The following CALCOCO2 variants were observed in gnomAD, a reference collection of about 807,000 sequenced individuals.
CALCOCO2 encodes calcium-binding and coiled-coil domain-containing protein 2.
Under a neutral mutation model 62.5 loss-of-function variants are expected in CALCOCO2, and 42 were observed. The ratio of observed to expected loss-of-function variants is 0.67; its 90% CI spans 0.53 to 0.87. CALCOCO2 has a LOEUF of 0.87. Ranked by LOEUF, CALCOCO2 falls within the 40% of genes least tolerant of loss-of-function variation. The pLI is 0.00. For missense variants in CALCOCO2, 456 were observed against 515.0 expected (o/e 0.89, Z 1.11); for synonymous variants, 167 against 173.0 (o/e 0.97, Z 0.27).
chr17:48,856,690 A>G, intron 10 of CALCOCO2: 1 of 447,994 alleles, frequency 2.2e-6, no homozygotes, highest in African/African-American at 2.0e-5. Context: ...CATTCATCCA[A>G]CCAACATTTA....
chr17:48,848,961 A>T (rs1450029819), intron 4 of CALCOCO2: 1 of 433,410 alleles, frequency 2.3e-6, no homozygotes, highest in Admixed American at 3.2e-5. Context: ...AGCTAAGTCC[A>T]TTGGGAGAGA....
intron 9 of CALCOCO2, among the ~76,000 whole-genome samples, chr17:48,854,315 CAA>C (rs1306014209): frequency 1.3e-4 from 4 of 30,564 alleles, no homozygotes; most frequent in Non-Finnish European, 2.1e-4. Context: ...GACTCCGTCT[CAA>C]AAAAAAAAAA....
At chr17:48,837,498 T>C (rs1458740347) in intron 1 of CALCOCO2, among the ~76,000 whole-genome samples, 1 of 151,868 alleles carries the variant, frequency 6.6e-6, no homozygotes, top group Non-Finnish European at 1.5e-5. Flanking sequence ...TACAAAAAAT[T>C]AGCTGGGCAT....
chr17:48,853,393 A>C (rs1036035228), intron 9 of CALCOCO2, among the ~76,000 whole-genome samples: 1 of 152,174 alleles, frequency 6.6e-6, no homozygotes, highest in African/African-American at 2.4e-5. Flanking sequence ...ATCTTGTTAT[A>C]ATTAATATAT....
At chr17:48,854,759 G>A (rs571391727) in intron 9 of CALCOCO2, among the ~76,000 whole-genome samples, 1 of 151,946 alleles carries the variant, frequency 6.6e-6, no homozygotes, top group East Asian at 2.0e-4. Flanking sequence ...TCCCCACCTG[G>A]CTGATAGCAA....
chr17:48,841,674 A>T, intron 1 of CALCOCO2, 24 bp from the exon 2 acceptor site: 1 of 1,512,366 alleles, frequency 6.6e-7, no homozygotes, highest in Non-Finnish European at 9.1e-7. Context: ...TCTGAGCCTT[A>T]CTCTGTTCCA....
At chr17:48,859,220 C>G (rs1032389479) in intron 10 of CALCOCO2, among the ~76,000 whole-genome samples, 1 of 151,942 alleles carries the variant, frequency 6.6e-6, no homozygotes, top group African/African-American at 2.4e-5. Flanking sequence ...TACTCATTCT[C>G]TGTGTTGATA....
chr17:48,862,193 A>G (rs1236346707), intron 11 of CALCOCO2, 83 bp from the exon 12 acceptor site: 1 of 899,188 alleles, frequency 1.1e-6, no homozygotes. Context: ...AATGAAAGTT[A>G]CAGGAAATAT....
chr17:48,832,746 CCT>C (rs1342143154), intron 1 of CALCOCO2, among the ~76,000 whole-genome samples: 4 of 152,150 alleles, frequency 2.6e-5, no homozygotes, highest in Admixed American at 2.6e-4. Flanking sequence ...TAGAATCACC[CCT>C]GTCAAGGGAA....
intron 2 of CALCOCO2, among the ~76,000 whole-genome samples, chr17:48,844,953 T>C (rs2040026196): frequency 6.6e-6 from 1 of 152,252 alleles, no homozygotes; most frequent in South Asian, 2.1e-4. Flanking sequence ...CTGGCGAACA[T>C]GGTGAAACCC....
intron 10 of CALCOCO2, among the ~76,000 whole-genome samples, chr17:48,856,962 C>G (rs1259439278): frequency 7.6e-6 from 1 of 131,846 alleles, no homozygotes; most frequent in Admixed American, 8.6e-5. Context: ...CCATGCCCGG[C>G]TAATTTTTTT....
intron 11 of CALCOCO2, among the ~76,000 whole-genome samples, chr17:48,861,234 A>T (rs1045216582): frequency 4.6e-5 from 7 of 151,972 alleles, no homozygotes; most frequent in Admixed American, 4.6e-4. Flanking sequence ...TGGGCATAGT[A>T]GTGGACTTGG....
chr17:48,834,129 A>G (rs2143561006), intron 1 of CALCOCO2, among the ~76,000 whole-genome samples: 1 of 150,806 alleles, frequency 6.6e-6, no homozygotes, highest in Admixed American at 6.6e-5. Context: ...AAAAAAAAAA[A>G]AAGCAAGAGC....
Position 48,856,668 on chromosome 17 carries a change from CA to C in CALCOCO2, c.1008+482del, listed in dbSNP as rs2040220049. ...TCATTCATTCATTCATTCATTCATT[CA>C]TTGGTTCATTCATTCATCCAACCAA... is the stretch of plus-strand genomic sequence containing the variant. On this transcript the variant is annotated intron_variant, in intron 10 of 12. Coordinates refer to ENST00000258947, the MANE Select transcript of CALCOCO2 (RefSeq NM_005831.5). 26 of 383,756 alleles carry C rather than the reference CA, an allele frequency of 6.8e-5. 1 individual carries two copies. Among genetic ancestry groups the C allele is most frequent in the South Asian group, 4.1e-4 (22 of 54,142 alleles). The allele number at this position is 383,756 out of a possible 1,614,324, so 23.8% of individuals were successfully genotyped here.
In CALCOCO2 at chr17:48,848,391, G is replaced by A. The variant is rs1567754216; in HGVS notation, c.353G>A (p.Gly118Glu). Residue 118 changes from glycine to glutamate, a missense_variant, in exon 4 of 13, where the codon GGA becomes GAA. This residue lies in a region of CALCOCO2 where 236 missense variants were observed against 225.3 expected (regional missense o/e 1.05). Transcript: ENST00000258947. ...CYVDEDGVVR[G>E]ASIPFQFRPE... ...GTGGATGAGGATGGTGTGGTCCGGG[G>A]AGCAAGTATTCCTTTCCAATTCCGT... 2.5e-6 allele frequency: 4 copies of A among 1,613,598 alleles called. No individual in the cohort carries two copies. The highest frequency in any genetic ancestry group is 3.3e-5 in the Admixed American group (2 of 59,994).
At chr17:48,846,441 A>T in intron 2 of CALCOCO2, 1 of 1,360,090 alleles carries the variant, frequency 7.4e-7, no homozygotes, top group Non-Finnish European at 1.0e-6. Flanking sequence ...TCCTTGACTT[A>T]GGCATTTAAA....
chr17:48,844,911 G>A (rs1342321747), intron 2 of CALCOCO2, among the ~76,000 whole-genome samples: 1 of 152,134 alleles, frequency 6.6e-6, no homozygotes, highest in Non-Finnish European at 1.5e-5. Flanking sequence ...CAAGGCAGAT[G>A]GATCACTTAA....
intron 10 of CALCOCO2, among the ~76,000 whole-genome samples, chr17:48,856,847 G>GGAGT (rs751512901): frequency 6.7e-6 from 1 of 149,920 alleles, no homozygotes; most frequent in Non-Finnish European, 1.5e-5. Context: ...ACCCAGGCTT[G>GGAGT]GAGTGCAGTG....
chr17:48,861,411 T>C (rs1317710328), intron 11 of CALCOCO2, among the ~76,000 whole-genome samples: 1 of 151,922 alleles, frequency 6.6e-6, no homozygotes, highest in Non-Finnish European at 1.5e-5. Context: ...AGATGGGGTT[T>C]TGCCATGTTG....
Sources: allele counts gnomAD v4.1 joint callset (sites outside exome capture counted in the v4.1 genomes callset), GRCh38; gene constraint gnomAD v4.1.1; regional missense constraint gnomAD v4.1.1; transcripts MANE v1.5; gene names NCBI Gene and HGNC (gene_info 2026-07-23, HGNC 2026-07-21).